TMEM167A: variants seen among roughly 807,000 people sequenced by gnomAD.
TMEM167A encodes protein kish-A.
In TMEM167A, 8 loss-of-function variants were observed where a neutral mutation model predicts 11.6. That is an observed-to-expected ratio of 0.69 (90% CI 0.40 to 1.24). The LOEUF is 1.24. Among genes scored for constraint, TMEM167A ranks in the 50% most tolerant of loss-of-function variants. The probability of loss-of-function intolerance (pLI) is 0.01; values close to 1 mark genes in which losing one functional copy is unlikely to be tolerated. For synonymous variants in TMEM167A, 22 were observed against 28.0 expected (o/e 0.79, Z 0.67); for missense variants, 62 against 87.0 (o/e 0.71, Z 1.14).
intron 1 of TMEM167A, among the ~76,000 whole-genome samples, chr5:83,069,527 T>C (rs980357933): frequency 1.1e-4 from 16 of 152,228 alleles, no homozygotes; most frequent in African/African-American, 3.4e-4. Flanking sequence ...AGGTACTCTA[T>C]TGAGTTTTGC....
chr5:83,056,995 A>G lies in TMEM167A; in HGVS notation c.*89T>C, dbSNP rs1048301718. 8 of 1,160,182 alleles carry G rather than the reference A, an allele frequency of 6.9e-6. No individual in the cohort carries two copies. In the African/African-American group the frequency reaches 1.2e-4, roughly 18 times the overall value. The allele number at this position is 1,160,182 out of a possible 1,614,324, so 71.9% of individuals were successfully genotyped here. On this transcript the variant is annotated 3_prime_UTR_variant, in exon 4 of 4. Coordinates refer to ENST00000502346, the MANE Select transcript of TMEM167A (RefSeq NM_174909.5). ...ATCTCATTCAATGTTCGGAGATAAA[A>G]GAGTTAAACATCCTTTCCATTATTT...
At chr5:83,073,739 G>A (rs1371454596) in intron 1 of TMEM167A, among the ~76,000 whole-genome samples, 1 of 152,206 alleles carries the variant, frequency 6.6e-6, no homozygotes, top group Non-Finnish European at 1.5e-5. Flanking sequence ...CAGACATGAA[G>A]ACAACGTGCA....
At chr5:83,065,406 A>AT (rs113665237) in intron 1 of TMEM167A, among the ~76,000 whole-genome samples, 1 of 151,806 alleles carries the variant, frequency 6.6e-6, no homozygotes, top group East Asian at 1.9e-4. Context: ...TTAATTCTGA[A>AT]TTTTTTTAAG....
intron 1 of TMEM167A, among the ~76,000 whole-genome samples, chr5:83,071,979 T>C (rs183944053): frequency 4.6e-4 from 70 of 152,344 alleles, no homozygotes; most frequent in African/African-American, 1.4e-3. Context: ...TCACCAGTCA[T>C]ATTTTAAAAA....
rs1454927244 is a variant in TMEM167A at position 83,061,871 on chromosome 5, A to G, written c.148+6T>C. ...GAAGAAATGGAGGGAGATTATAGAC[A>G]CTTACCAATTCTGGCACACTTCCAA... On this transcript the variant is annotated splice_donor_region_variant and intron_variant, in intron 3 of 3. Transcript: ENST00000502346. 3.1e-6 allele frequency: 5 copies of G among 1,611,808 alleles called. No individual in the cohort carries two copies. The highest frequency in any genetic ancestry group is 4.2e-6 in the Non-Finnish European group (5 of 1,178,060).
chr5:83,065,893 T>TA (rs547570841), intron 1 of TMEM167A, among the ~76,000 whole-genome samples: 190 of 152,288 alleles, frequency 1.2e-3, no homozygotes, highest in African/African-American at 4.4e-3. Flanking sequence ...GAGGTGGACT[T>TA]ATTCTATTCA....
At chr5:83,072,612 T>G (rs1433256927) in intron 1 of TMEM167A, among the ~76,000 whole-genome samples, 1 of 152,094 alleles carries the variant, frequency 6.6e-6, no homozygotes, top group African/African-American at 2.4e-5. Context: ...CATTGCAACC[T>G]CCACCCCTTG....
intron 1 of TMEM167A, among the ~76,000 whole-genome samples, chr5:83,066,529 C>T (rs73769239): frequency 0.043 from 6,589 of 152,050 alleles, 451 homozygotes; most frequent in African/African-American, 0.15. Flanking sequence ...GCATCCAGAA[C>T]GAACAGCTAA....
Position 83,054,747 on chromosome 5 carries a change from C to G in TMEM167A, c.*2337G>C, listed in dbSNP as rs1580171317. 6.6e-6 allele frequency: 1 copy of G among 151,810 alleles called. No homozygotes were observed. The highest frequency in any genetic ancestry group is 2.4e-5 in the African/African-American group (1 of 41,350). 9.4% of individuals were successfully genotyped at this position (151,810 alleles called of 1,614,324 possible). A position where few individuals can be genotyped will look rare whatever the true frequency, so the allele number is the denominator to read the frequency against. ...TAACTACTGGGTACTAGGCTTAGCA[C>G]CTGGGTGACAAAATAATCTGTACAA... On this transcript the variant is annotated 3_prime_UTR_variant, in exon 4 of 4. Coordinates refer to ENST00000502346, the MANE Select transcript of TMEM167A (RefSeq NM_174909.5).
rs1301214634 is a variant in TMEM167A, at chr5:83,053,694, G to A, written c.*3390C>T. 6.6e-6 allele frequency: 1 copy of A among 152,002 alleles called. No homozygotes were observed. The allele number at this position is 152,002 out of a possible 1,614,324, so 9.4% of individuals were successfully genotyped here. On this transcript the variant is annotated 3_prime_UTR_variant, in exon 4 of 4. Transcript: ENST00000502346. Reference sequence around the variant, plus strand: ...AGGCTTATGTCTTAATACTCCCGAAGTGGCACAAGCTAGGTTATTTCTAGT... The same window carrying A: ...AGGCTTATGTCTTAATACTCCCGAAATGGCACAAGCTAGGTTATTTCTAGT...
intron 1 of TMEM167A, among the ~76,000 whole-genome samples, chr5:83,066,871 G>A (rs150194872): frequency 4.9e-4 from 75 of 152,152 alleles, no homozygotes; most frequent in African/African-American, 1.7e-3. Context: ...GAGAGAGCAC[G>A]TTGTTATAAA....
At chr5:83,066,852 T>C (rs1012177185) in intron 1 of TMEM167A, among the ~76,000 whole-genome samples, 9 of 152,070 alleles carry the variant, frequency 5.9e-5, no homozygotes, top group Non-Finnish European at 1.2e-4. Context: ...AAGAAATGAA[T>C]TCTTTCCGGA....
At chr5:83,071,747 A>T (rs1405030429) in intron 1 of TMEM167A, among the ~76,000 whole-genome samples, 1 of 152,190 alleles carries the variant, frequency 6.6e-6, no homozygotes, top group African/African-American at 2.4e-5. Flanking sequence ...ATAGGCAAGT[A>T]ACCTCAGTTT....
chr5:83,074,696 G>A (rs1473778398), intron 1 of TMEM167A, among the ~76,000 whole-genome samples: 61 of 152,006 alleles, frequency 4.0e-4, no homozygotes, highest in Admixed American at 3.5e-3. Flanking sequence ...ACAACAGATG[G>A]AATTTACTTA....
At chr5:83,076,212 T>G (rs1744656136) in intron 1 of TMEM167A, among the ~76,000 whole-genome samples, 1 of 152,238 alleles carries the variant, frequency 6.6e-6, no homozygotes, top group Non-Finnish European at 1.5e-5. Context: ...GAAGTTGCTG[T>G]GAACTTGATA....
intron 2 of TMEM167A, chr5:83,064,380 A>C (rs1185771252): frequency 1.9e-6 from 1 of 516,636 alleles, no homozygotes; most frequent in Non-Finnish European, 3.9e-6. Context: ...AGCATAGGGA[A>C]AGTATTCTAC....
At chr5:83,071,061 C>T (rs1744552397) in intron 1 of TMEM167A, among the ~76,000 whole-genome samples, 1 of 152,048 alleles carries the variant, frequency 6.6e-6, no homozygotes, top group Non-Finnish European at 1.5e-5. Flanking sequence ...CAAGCTGTGG[C>T]TAGAGTGCTT....
intron 1 of TMEM167A, among the ~76,000 whole-genome samples, chr5:83,073,421 A>G (rs548737556): frequency 6.6e-6 from 1 of 152,378 alleles, no homozygotes; most frequent in Non-Finnish European, 1.5e-5. Flanking sequence ...TCTAGTCACA[A>G]AAGCATCACC....
chr5:83,063,609 GGTAACTCAGAGACTTAGCA>G (rs1744436429), intron 2 of TMEM167A, among the ~76,000 whole-genome samples: 1 of 151,758 alleles, frequency 6.6e-6, no homozygotes, highest in African/African-American at 2.4e-5. Context: ...ACCCTAACTT[GGTAACTCAGAGACTTAGCA>G]GCACCACTTT....
Sources: allele counts gnomAD v4.1 joint callset (sites outside exome capture counted in the v4.1 genomes callset), GRCh38; gene constraint gnomAD v4.1.1; transcripts MANE v1.5; gene names NCBI Gene and HGNC (gene_info 2026-07-23, HGNC 2026-07-21).